Variants in NUDT21 observed in about 807,000 individuals in gnomAD.
NUDT21 encodes cleavage and polyadenylation specificity factor subunit 5.
NUDT21 carries 5 observed loss-of-function variants against 29.8 expected under a neutral mutation model. The ratio of observed to expected loss-of-function variants is 0.17; its 90% CI spans 0.09 to 0.35. The LOEUF (loss-of-function observed/expected upper bound fraction) is 0.35, where lower values mean the gene tolerates loss of function less well. Among genes scored for constraint, NUDT21 ranks in the 10% least tolerant of loss-of-function variants. NUDT21 has a pLI of 1.00. For synonymous variants in NUDT21, 113 were observed against 98.5 expected (o/e 1.15, Z -0.87); for missense variants, 76 against 276.0 (o/e 0.28, Z 5.13).
rs1404162925 is a variant in NUDT21, at chr16:56,431,354, C to T, written c.*1358G>A. 3.3e-5 allele frequency: 5 copies of T among 152,130 alleles called. No individual in the cohort carries two copies. The highest frequency in any genetic ancestry group is 7.4e-5 in the Non-Finnish European group (5 of 68,014). The allele number at this position is 152,130 out of a possible 1,614,324, so 9.4% of individuals were successfully genotyped here. ...GCTCACCTACCATGAAGGACATGCACAGTTAGTCACTACTTAACCACCATG... is the reference window on the plus strand; with the variant it reads ...GCTCACCTACCATGAAGGACATGCATAGTTAGTCACTACTTAACCACCATG... On this transcript the variant is annotated 3_prime_UTR_variant, in exon 7 of 7. Coordinates refer to ENST00000300291, the MANE Select transcript of NUDT21 (RefSeq NM_007006.3).
At chr16:56,442,993 A>G (rs1962176940) in intron 3 of NUDT21, among the ~76,000 whole-genome samples, 1 of 152,032 alleles carries the variant, frequency 6.6e-6, no homozygotes, top group African/African-American at 2.4e-5. Flanking sequence ...AATATTAATC[A>G]TAGTTTTGTC....
intron 6 of NUDT21, among the ~76,000 whole-genome samples, chr16:56,433,920 G>A (rs899870211): frequency 6.6e-6 from 1 of 151,978 alleles, no homozygotes; most frequent in African/African-American, 2.4e-5. Flanking sequence ...CTCCTGACCT[G>A]GTGATACACC....
At position 56,432,578 on chromosome 16, in the gene NUDT21, A is replaced by C; in HGVS notation, c.*134T>G. 3.6e-6 allele frequency: 2 copies of C among 551,192 alleles called. No individual in the cohort carries two copies. The highest frequency in any genetic ancestry group is 5.6e-4 in the Middle Eastern group (2 of 3,582). 34.1% of individuals were successfully genotyped at this position (551,192 alleles called of 1,614,324 possible). On this transcript the variant is annotated 3_prime_UTR_variant, in exon 7 of 7. Coordinates refer to ENST00000300291, the MANE Select transcript of NUDT21 (RefSeq NM_007006.3). ...TCATATTAATTTTACTATTCAAACAATAGAAAGGTGGCAATTTAGGGATCG... is the reference window on the plus strand; with the variant it reads ...TCATATTAATTTTACTATTCAAACACTAGAAAGGTGGCAATTTAGGGATCG...
intron 2 of NUDT21, among the ~76,000 whole-genome samples, chr16:56,447,286 G>A (rs113727724): frequency 0.013 from 1,987 of 152,198 alleles, 39 homozygotes; most frequent in African/African-American, 0.044. Flanking sequence ...CATTCTTTAG[G>A]CCTAAAGAAT....
intron 3 of NUDT21, among the ~76,000 whole-genome samples, chr16:56,445,098 C>T (rs1263457613): frequency 2.6e-5 from 4 of 152,202 alleles, no homozygotes; most frequent in East Asian, 3.9e-4. Context: ...GCCGGAGAAT[C>T]GCTTAAACCC....
intron 3 of NUDT21, among the ~76,000 whole-genome samples, chr16:56,441,065 GGGTCTT>G (rs1962154223): frequency 6.6e-6 from 1 of 151,760 alleles, no homozygotes; most frequent in South Asian, 2.1e-4. Context: ...TTAAGAGATA[GGGTCTT>G]GCTCTGTCAC....
At chr16:56,445,880 T>G (rs868123436) in intron 3 of NUDT21, among the ~76,000 whole-genome samples, 1 of 152,214 alleles carries the variant, frequency 6.6e-6, no homozygotes, top group East Asian at 1.9e-4. Flanking sequence ...TTATAATACA[T>G]TTTTAGAAAT....
chr16:56,442,273 G>C (rs753285381), intron 3 of NUDT21, among the ~76,000 whole-genome samples: 5 of 152,088 alleles, frequency 3.3e-5, no homozygotes, highest in African/African-American at 7.2e-5. Flanking sequence ...TTCCATTTTG[G>C]GGGTGAACAC....
At chr16:56,437,627 G>C (rs1962117734) in intron 4 of NUDT21, among the ~76,000 whole-genome samples, 1 of 152,176 alleles carries the variant, frequency 6.6e-6, no homozygotes, top group East Asian at 1.9e-4. Flanking sequence ...ATGGGGTATA[G>C]GAGTCCCTAC....
rs1962016960 is a variant in NUDT21 at position 56,430,116 on chromosome 16, A to C, written c.*2596T>G. 1 of 152,242 alleles carries C rather than the reference A, an allele frequency of 6.6e-6. No homozygotes were observed. The highest frequency in any genetic ancestry group is 1.5e-5 in the Non-Finnish European group (1 of 68,040). The allele number at this position is 152,242 out of a possible 1,614,324, so 9.4% of individuals were successfully genotyped here. ...AAATAATAAGTGAATGCTATTTATA[A>C]GACAATAAAAAGTTTTAAAATCTTC... is the stretch of plus-strand genomic sequence containing the variant. On this transcript the variant is annotated 3_prime_UTR_variant, in exon 7 of 7. Coordinates refer to ENST00000300291, the MANE Select transcript of NUDT21 (RefSeq NM_007006.3).
intron 3 of NUDT21, among the ~76,000 whole-genome samples, chr16:56,443,727 C>T (rs1363958400): frequency 6.6e-6 from 1 of 152,164 alleles, no homozygotes; most frequent in Non-Finnish European, 1.5e-5. Context: ...CTTGCTTCCT[C>T]CCTTGCCATG....
At chr16:56,437,564 A>G (rs1236486267) in intron 4 of NUDT21, among the ~76,000 whole-genome samples, 2 of 152,206 alleles carry the variant, frequency 1.3e-5, no homozygotes, top group Admixed American at 1.3e-4. Flanking sequence ...TGTCTCAACA[A>G]GCACTCAAGA....
Position 56,450,378 on chromosome 16 carries a change from C to G in NUDT21, c.116+709G>C, listed in dbSNP as rs552451521. Among the ~76,000 whole-genome samples, 31 of 152,294 alleles carry G rather than the reference C, an allele frequency of 2.0e-4. No individual in the cohort carries two copies. In the South Asian group the frequency reaches 5.6e-3, roughly 27 times the overall value. ...ACAGAAAGGTGTTGAAAATAAAACA[C>G]AGCCCACAATGGGTTTTCTGGTACA... On this transcript the variant is annotated intron_variant, in intron 1 of 6. Coordinates refer to ENST00000300291, the MANE Select transcript of NUDT21 (RefSeq NM_007006.3).
intron 4 of NUDT21, chr16:56,435,072 TAAAAC>T (rs2143933177): frequency 3.2e-6 from 1 of 311,638 alleles, no homozygotes; most frequent in Non-Finnish European, 5.8e-6. Flanking sequence ...TTGAGATACT[TAAAAC>T]ATAATGAAGT....
chr16:56,434,298 T>C (rs747990991), intron 6 of NUDT21, 33 bp downstream of exon 6: 4 of 1,393,332 alleles, frequency 2.9e-6, no homozygotes, highest in African/African-American at 1.4e-5. Flanking sequence ...ACAGTTAATA[T>C]GGATGAACCA....
chr16:56,437,678 A>G (rs1400092190), intron 4 of NUDT21, among the ~76,000 whole-genome samples: 1 of 152,150 alleles, frequency 6.6e-6, no homozygotes. Context: ...AGTTGCCCAC[A>G]GGTGTAAAAA....
At chr16:56,436,189 G>A (rs1316509195) in intron 4 of NUDT21, among the ~76,000 whole-genome samples, 1 of 151,860 alleles carries the variant, frequency 6.6e-6, no homozygotes, top group African/African-American at 2.4e-5. Context: ...TTTTGCTGTT[G>A]GAGTTGTATC....
At chr16:56,442,117 C>T (rs567773836) in intron 3 of NUDT21, among the ~76,000 whole-genome samples, 13 of 152,196 alleles carry the variant, frequency 8.5e-5, no homozygotes, top group Admixed American at 6.5e-4. Context: ...CCTAGGCTCA[C>T]GTGATCTGCC....
intron 3 of NUDT21, among the ~76,000 whole-genome samples, chr16:56,441,231 C>CATTTT (rs1211396333): frequency 4.0e-5 from 6 of 151,644 alleles, no homozygotes; most frequent in South Asian, 2.1e-4. Context: ...TCTTGATTTT[C>CATTTT]ATTTTATTTT....
Sources: gnomAD v4.1 joint callset for allele counts (sites outside exome capture counted in the v4.1 genomes callset) on GRCh38, gnomAD v4.1.1 for gene constraint, MANE v1.5 for transcripts, NCBI Gene and HGNC (gene_info 2026-07-23, HGNC 2026-07-21) for gene names.